The following SH3GLB2 variants were observed in gnomAD, a reference collection of about 807,000 sequenced individuals.
SH3GLB2 encodes SH3 domain containing GRB2 like, endophilin B2.
Under a neutral mutation model 48.0 loss-of-function variants are expected in SH3GLB2, and 24 were observed. The observed-to-expected ratio is 0.50, with a 90% CI of 0.36 to 0.70. The LOEUF (loss-of-function observed/expected upper bound fraction) is 0.70. Among genes scored for constraint, SH3GLB2 ranks in the 30% least tolerant of loss-of-function variants. SH3GLB2 has a pLI of 0.00. For missense variants in SH3GLB2, 425 were observed against 516.0 expected (o/e 0.82, Z 1.71); for synonymous variants, 227 against 207.6 (o/e 1.09, Z -0.80).
intron 3 of SH3GLB2, among the ~76,000 whole-genome samples, chr9:129,017,629 G>A (rs1333450506): frequency 6.6e-6 from 1 of 151,984 alleles, no homozygotes; most frequent in Non-Finnish European, 1.5e-5. Flanking sequence ...CGCCGGGTGT[G>A]ATGGCTCACA....
chr9:129,010,630 C>A (rs1843059541), intron 7 of SH3GLB2, 40 bp downstream of exon 7: 1 of 1,611,768 alleles, frequency 6.2e-7, no homozygotes, highest in Admixed American at 1.7e-5. Flanking sequence ...ACCCCGCCAC[C>A]CCTTCTTCCT....
chr9:129,020,257 T>C (rs1001963526), intron 3 of SH3GLB2, among the ~76,000 whole-genome samples: 8 of 74,856 alleles, frequency 1.1e-4, no homozygotes, highest in African/African-American at 4.0e-4. Flanking sequence ...TAGCACACAA[T>C]ATGATTCCAT....
intron 3 of SH3GLB2, among the ~76,000 whole-genome samples, chr9:129,016,778 A>T (rs1843453734): frequency 1.3e-5 from 2 of 152,188 alleles, no homozygotes; most frequent in South Asian, 4.1e-4. Flanking sequence ...TTAACACAAA[A>T]TAGTACTAGA....
In SH3GLB2 at chr9:129,021,950, C is replaced by T. The variant is rs563564979; in HGVS notation, c.205+332G>A. Among the ~76,000 whole-genome samples the T allele has an allele frequency of 4.7e-5, 7 of 147,386 alleles. No individual in the cohort carries two copies. The East Asian group carries it at 1.4e-3, about 29-fold the overall frequency. On this transcript the variant is annotated intron_variant, in intron 2 of 10. Transcript: ENST00000372564. The stretch of plus-strand genomic sequence containing the variant: ...CTCCAGAATGGGTGACAGAGCAAGA[C>T]TCCACCTCAAAAAAAAAAAAAAAAA...
rs763736540 is a variant in SH3GLB2, at chr9:129,010,704, G to A, written c.625-11C>T. Reference sequence around the variant, plus strand: ...TTCATCATTCCAGAGCTGTGGAGACGGCAGCAGGAGTGGCCAGCAGGGGAG... The same window carrying A: ...TTCATCATTCCAGAGCTGTGGAGACAGCAGCAGGAGTGGCCAGCAGGGGAG... On this transcript the variant is annotated splice_polypyrimidine_tract_variant and intron_variant, in intron 6 of 10. Transcript: ENST00000372564. The A allele has an allele frequency of 3.7e-6, 6 of 1,613,882 alleles. No individual in the cohort carries two copies. Among genetic ancestry groups the A allele is most frequent in the South Asian group, 1.1e-5 (1 of 91,062 alleles).
In SH3GLB2 at chr9:129,014,713, G is replaced by A. The variant is rs1323712249; in HGVS notation, c.468+58C>T. On this transcript the variant is annotated intron_variant, in intron 4 of 10. Transcript: ENST00000372564. This position sits in a 1 kb window ranked among gnomAD's most constrained non-coding sequence, Gnocchi z 4.1. ...ACTGGAAGAGAGCCTGTACTCAAAGGCTCTGAGGAGGGAACTGCCATGGTT... is the reference window on the plus strand; with the variant it reads ...ACTGGAAGAGAGCCTGTACTCAAAGACTCTGAGGAGGGAACTGCCATGGTT... 1 of 1,582,256 alleles carries A rather than the reference G, an allele frequency of 6.3e-7. No homozygotes were observed. The highest frequency in any genetic ancestry group is 1.4e-5 in the African/African-American group (1 of 73,772).
At chr9:129,013,005 C>T in intron 5 of SH3GLB2, 1 of 1,551,140 alleles carries the variant, frequency 6.4e-7, no homozygotes. Context: ...CAGGTATACT[C>T]ACATCTCCCT....
chr9:129,025,776 G>A (rs993542416), intron 1 of SH3GLB2, among the ~76,000 whole-genome samples: 2 of 73,252 alleles, frequency 2.7e-5, no homozygotes, highest in Non-Finnish European at 5.7e-5. Flanking sequence ...TCCCCACCCC[G>A]CCCTCCCTTA....
intron 3 of SH3GLB2, among the ~76,000 whole-genome samples, chr9:129,017,778 G>A (rs1282506490): frequency 1.3e-5 from 2 of 151,638 alleles, no homozygotes; most frequent in African/African-American, 4.9e-5. Context: ...GGTGCCTGTA[G>A]TCCCAGCTAC....
At chr9:129,013,662 G>A (rs951239300) in intron 5 of SH3GLB2, 2 of 188,454 alleles carry the variant, frequency 1.1e-5, no homozygotes, top group Non-Finnish European at 2.2e-5. Context: ...GGCCTCCCTC[G>A]GCTAATCAGC....
Position 129,014,259 on chromosome 9 carries a change from A to G in SH3GLB2, c.561+152T>C. 1 of 720,704 alleles carries G rather than the reference A, an allele frequency of 1.4e-6. No individual in the cohort carries two copies. Among genetic ancestry groups the G allele is most frequent in the Non-Finnish European group, 2.3e-6 (1 of 429,606 alleles). 44.6% of individuals were successfully genotyped at this position (720,704 alleles called of 1,614,324 possible). Reference sequence around the variant, plus strand: ...CCAAGGCTCCCTTGAGGGCAGGGACAGAGAGGCTCAGCCCAGCAGCCCCCA... The same window carrying G: ...CCAAGGCTCCCTTGAGGGCAGGGACGGAGAGGCTCAGCCCAGCAGCCCCCA... On this transcript the variant is annotated intron_variant, in intron 5 of 10. Transcript: ENST00000372564. The surrounding 1 kb of genome is among the most constrained non-coding windows in gnomAD (Gnocchi z 4.1).
chr9:129,022,202 T>C (rs1402977452), intron 2 of SH3GLB2, 80 bp downstream of exon 2: 3 of 1,562,486 alleles, frequency 1.9e-6, no homozygotes, highest in African/African-American at 1.4e-5. Flanking sequence ...GCCCCACCTA[T>C]GCCACAACAG....
rs147641245 is a variant in SH3GLB2, at chr9:129,025,081, G to A, written c.64-2658C>T. ...ACGTGAGGTCAGGAGTTCGAGACCA[G>A]CCTGGCTAACATAGTAAAACCCCAT... is the stretch of plus-strand genomic sequence containing the variant. On this transcript the variant is annotated intron_variant, in intron 1 of 10. Coordinates refer to ENST00000372564, the MANE Select transcript of SH3GLB2 (RefSeq NM_020145.4). Among the ~76,000 whole-genome samples, 774 of 150,386 alleles carry A rather than the reference G, an allele frequency of 5.1e-3. 4 individuals are homozygous for A. The highest frequency in any genetic ancestry group is 0.017 in the African/African-American group (681 of 40,838).
chr9:129,010,632 C>T (rs1284288037), intron 7 of SH3GLB2, 38 bp downstream of exon 7: 6 of 1,612,704 alleles, frequency 3.7e-6, no homozygotes, highest in Admixed American at 1.7e-5. Context: ...CCCGCCACCC[C>T]TTCTTCCTCG....
At position 129,010,112 on chromosome 9, in the gene SH3GLB2, G is replaced by A. The variant is rs200804361; in HGVS notation, c.738+8C>T. 12 of 1,612,392 alleles carry A rather than the reference G, an allele frequency of 7.4e-6. No homozygotes were observed. In the East Asian group the frequency reaches 1.1e-4, roughly 15 times the overall value. ...TTAGGTTTAGTGAGGGTGGGCAGTG[G>A]GACTCACGTGAGTGCTACTGATTCC... On this transcript the variant is annotated splice_region_variant and intron_variant, in intron 8 of 10. Coordinates refer to ENST00000372564, the MANE Select transcript of SH3GLB2 (RefSeq NM_020145.4).
At chr9:129,013,156 G>A in intron 5 of SH3GLB2, 1 of 898,262 alleles carries the variant, frequency 1.1e-6, no homozygotes, top group Non-Finnish European at 1.8e-6. Context: ...AGGCACCACA[G>A]CCTGCCCTCC....
intron 3 of SH3GLB2, 45 bp downstream of exon 3, chr9:129,021,046 G>A (rs760789550): frequency 1.4e-6 from 2 of 1,456,110 alleles, no homozygotes; most frequent in Admixed American, 2.4e-5. Flanking sequence ...GAGAATCAGA[G>A]CTAAAGACCA....
At chr9:129,010,073 G>T (rs371542870) in intron 8 of SH3GLB2, 47 bp downstream of exon 8, 91 of 1,571,488 alleles carry the variant, frequency 5.8e-5, no homozygotes, top group Admixed American at 4.8e-4. Flanking sequence ...GGCACACCTG[G>T]TGCCTGCTGA....
rs969825892 is a variant in SH3GLB2 at position 129,007,778 on chromosome 9, C to G, written c.*906G>C. ...ACTGTCAGACGCATTCTACAGTCCG[C>G]TCCACAATCCAAATTTAGGAAACTT... On this transcript the variant is annotated 3_prime_UTR_variant, in exon 11 of 11. Transcript: ENST00000372564. 1 of 152,240 alleles carries G rather than the reference C, an allele frequency of 6.6e-6. No homozygotes were observed. Among genetic ancestry groups the G allele is most frequent in the African/African-American group, 2.4e-5 (1 of 41,448 alleles). 9.4% of individuals were successfully genotyped at this position (152,240 alleles called of 1,614,324 possible).
Sources: allele counts gnomAD v4.1 joint callset (sites outside exome capture counted in the v4.1 genomes callset), GRCh38; gene constraint gnomAD v4.1.1; non-coding constraint Gnocchi (gnomAD v3.1); transcripts MANE v1.5; gene names NCBI Gene and HGNC (gene_info 2026-07-23, HGNC 2026-07-21).